The following CADM1 variants were observed in gnomAD, a reference collection of about 807,000 sequenced individuals.
CADM1 encodes the protein cell adhesion molecule 1.
A neutral mutation model predicts 53.1 loss-of-function variants in CADM1; 15 were observed. The ratio of observed to expected loss-of-function variants is 0.28; its 90% CI spans 0.19 to 0.44. The LOEUF (loss-of-function observed/expected upper bound fraction) is 0.44. Ranked by LOEUF, CADM1 falls within the 20% of genes least tolerant of loss-of-function variation. The pLI is 1.00. For missense variants in CADM1, 434 were observed against 611.3 expected, an observed-to-expected ratio of 0.71 and a Z score of 3.06; for synonymous variants, 281 against 243.0, an observed-to-expected ratio of 1.16 and a Z score of -1.45.
chr11:115,478,972 T>C (rs1949198646), intron 1 of CADM1, among the ~76,000 whole-genome samples: 1 of 152,146 alleles, frequency 6.6e-6, no homozygotes, highest in Admixed American at 6.6e-5. Flanking sequence ...TTAAAATCTA[T>C]GCAGCAGTTA....
chr11:115,317,733 T>G (rs1389396198), intron 1 of CADM1, among the ~76,000 whole-genome samples: 4 of 152,218 alleles, frequency 2.6e-5, no homozygotes, highest in Non-Finnish European at 4.4e-5. Context: ...TGGAGTGCCC[T>G]GCAGTCATTA....
intron 1 of CADM1, among the ~76,000 whole-genome samples, chr11:115,473,345 G>C (rs994925551): frequency 3.3e-5 from 5 of 152,160 alleles, no homozygotes; most frequent in African/African-American, 4.8e-5. Flanking sequence ...TGTAGTCCCA[G>C]CTACTCGGGA....
intron 1 of CADM1, chr11:115,333,573 C>T (rs1028056016): frequency 3.3e-5 from 5 of 152,186 alleles, no homozygotes; most frequent in African/African-American, 1.2e-4. Flanking sequence ...AATTTCAGAG[C>T]ATCCATGATT....
chr11:115,264,359 A>C (rs1036832304), intron 1 of CADM1, among the ~76,000 whole-genome samples: 2 of 152,204 alleles, frequency 1.3e-5, no homozygotes, highest in Non-Finnish European at 2.9e-5. Flanking sequence ...CACTTTACTT[A>C]ACACACACAA....
At chr11:115,362,782 G>A (rs2135099426) in intron 1 of CADM1, among the ~76,000 whole-genome samples, 1 of 152,244 alleles carries the variant, frequency 6.6e-6, no homozygotes, top group East Asian at 1.9e-4. Context: ...TGAGGTTATT[G>A]AGTATTTTTA....
intron 1 of CADM1, among the ~76,000 whole-genome samples, chr11:115,478,671 C>A (rs941979854): frequency 6.6e-6 from 1 of 152,150 alleles, no homozygotes; most frequent in Non-Finnish European, 1.5e-5. Flanking sequence ...ATCTCACTCT[C>A]TAGAGATAGC....
intron 1 of CADM1, among the ~76,000 whole-genome samples, chr11:115,360,681 G>A (rs1321918682): frequency 6.6e-6 from 1 of 152,198 alleles, no homozygotes; most frequent in Non-Finnish European, 1.5e-5. Context: ...TTGTGTGGTC[G>A]TGCTGTCAGC....
intron 1 of CADM1, among the ~76,000 whole-genome samples, chr11:115,477,726 C>T (rs1382650613): frequency 6.6e-6 from 1 of 152,230 alleles, no homozygotes; most frequent in Non-Finnish European, 1.5e-5. Flanking sequence ...ATTGATGACT[C>T]CTCTGCAAAA....
chr11:115,412,871 A>T (rs1947493134), intron 1 of CADM1, among the ~76,000 whole-genome samples: 1 of 152,210 alleles, frequency 6.6e-6, no homozygotes. Context: ...TTCCACAAGA[A>T]ATGATATCAT....
intron 1 of CADM1, among the ~76,000 whole-genome samples, chr11:115,356,601 T>C (rs887202715): frequency 1.3e-5 from 2 of 152,216 alleles, no homozygotes; most frequent in Non-Finnish European, 2.9e-5. Flanking sequence ...TAAGGGATTT[T>C]TTTTAAATGT....
chr11:115,432,166 C>T (rs1006789526), intron 1 of CADM1, among the ~76,000 whole-genome samples: 1 of 151,944 alleles, frequency 6.6e-6, no homozygotes, highest in Non-Finnish European at 1.5e-5. Flanking sequence ...AGGATGGTCT[C>T]GATCTCCTGA....
At chr11:115,223,040 C>T (rs2134807110) in intron 5 of CADM1, among the ~76,000 whole-genome samples, 2 of 152,192 alleles carry the variant, frequency 1.3e-5, no homozygotes, top group African/African-American at 4.8e-5. Context: ...AGTAAGCATT[C>T]AAGACATAGT....
intron 10 of CADM1, among the ~76,000 whole-genome samples, chr11:115,183,865 G>C (rs1939423518): frequency 6.6e-6 from 1 of 152,146 alleles, no homozygotes; most frequent in Non-Finnish European, 1.5e-5. Flanking sequence ...TTCTGTTTAG[G>C]GACAGTTCAG....
intron 1 of CADM1, among the ~76,000 whole-genome samples, chr11:115,371,019 C>T (rs1422875176): frequency 6.6e-6 from 1 of 152,096 alleles, no homozygotes; most frequent in African/African-American, 2.4e-5. Flanking sequence ...AAAGCAGCAA[C>T]ACTTCATCAG....
At chr11:115,444,831 G>T (rs889051365) in intron 1 of CADM1, among the ~76,000 whole-genome samples, 1 of 152,204 alleles carries the variant, frequency 6.6e-6, no homozygotes, top group Non-Finnish European at 1.5e-5. Context: ...TCAGTAAGCA[G>T]ATTAGGAACA....
intron 8 of CADM1, among the ~76,000 whole-genome samples, chr11:115,201,222 AAC>A (rs1940407542): frequency 6.6e-6 from 1 of 152,204 alleles, no homozygotes; most frequent in Admixed American, 6.5e-5. Context: ...CTGCAGGAGA[AAC>A]ACAGGCTGGC....
At chr11:115,185,515 T>C (rs1368973562) in intron 10 of CADM1, among the ~76,000 whole-genome samples, 2 of 152,212 alleles carry the variant, frequency 1.3e-5, no homozygotes, top group Non-Finnish European at 2.9e-5. Context: ...TAGCTAAATA[T>C]GAAAACAAGT....
At chr11:115,284,095 T>TCTCTCTCTCTCTCTCC (rs1230973636) in intron 1 of CADM1, among the ~76,000 whole-genome samples, 3 of 128,816 alleles carry the variant, frequency 2.3e-5, no homozygotes, top group Admixed American at 8.5e-5. Context: ...ACACTCTCTC[T>TCTCTCTCTCTCTCTCC]CTCTCTCTCT....
At chr11:115,286,481 T>G (rs1231045788) in intron 1 of CADM1, among the ~76,000 whole-genome samples, 1 of 152,220 alleles carries the variant, frequency 6.6e-6, no homozygotes, top group African/African-American at 2.4e-5. Context: ...CAAAGGAGTT[T>G]AAATGCAGTG....
Sources: gnomAD v4.1 joint callset for allele counts (sites outside exome capture counted in the v4.1 genomes callset) on GRCh38, gnomAD v4.1.1 for gene constraint, MANE v1.5 for transcripts, NCBI Gene and HGNC (gene_info 2026-07-23, HGNC 2026-07-21) for gene names.